Variants in ZNF592 observed in about 807,000 individuals in gnomAD.
ZNF592 encodes the protein zinc finger protein 592.
ZNF592 carries 11 observed loss-of-function variants against 80.3 expected under a neutral mutation model. That is an observed-to-expected ratio of 0.14 (90% CI 0.09 to 0.23). The LOEUF (loss-of-function observed/expected upper bound fraction) is 0.23, where lower values mean the gene tolerates loss of function less well. Ranked by LOEUF, ZNF592 falls within the 10% of genes least tolerant of loss-of-function variation. The pLI is 1.00. For synonymous variants in ZNF592, 646 were observed against 640.3 expected, an observed-to-expected ratio of 1.01 and a Z score of -0.13; for missense variants, 1,420 against 1,633.9, an observed-to-expected ratio of 0.87 and a Z score of 2.26.
Position 84,802,857 on chromosome 15 carries a change from A to C in ZNF592, c.*464A>C, listed in dbSNP as rs368506940. On this transcript the variant is annotated 3_prime_UTR_variant, in exon 11 of 11. Coordinates refer to ENST00000560079, the MANE Select transcript of ZNF592 (RefSeq NM_014630.3). ...AAGGAGGGAAATGAGGGGTGCTGAC[A>C]CAGTCCCTCTGGGAGAGCTCTGCCT... The C allele has an allele frequency of 2.1e-4, 41 of 194,246 alleles. No homozygotes were observed. The East Asian group carries it at 2.9e-3, about 14-fold the overall frequency. The allele number at this position is 194,246 out of a possible 1,614,324, so 12.0% of individuals were successfully genotyped here. A position where few individuals can be genotyped will look rare whatever the true frequency, so the allele number is the denominator to read the frequency against.
At position 84,784,920 on chromosome 15, in the gene ZNF592, G is replaced by A; in HGVS notation, c.2220+25G>A. The A allele has an allele frequency of 6.2e-7, 1 of 1,613,836 alleles. No homozygotes were observed. Among genetic ancestry groups the A allele is most frequent in the East Asian group, 2.2e-5 (1 of 44,870 alleles). Reference sequence around the variant, plus strand: ...GGTAAGCAGACCCTCACTGTTACGGGTATCGGGCCCCTGGCTCACACAGGT... The same window carrying A: ...GGTAAGCAGACCCTCACTGTTACGGATATCGGGCCCCTGGCTCACACAGGT... On this transcript the variant is annotated intron_variant, in intron 4 of 10. Transcript: ENST00000560079. The surrounding 1 kb of genome is among the most constrained non-coding windows in gnomAD (Gnocchi z 5.8).
In ZNF592 at chr15:84,799,573, A is replaced by C. The variant is rs1054553632; in HGVS notation, c.3138-269A>C. Among the ~76,000 whole-genome samples the C allele has an allele frequency of 6.6e-6, 1 of 152,148 alleles. No homozygotes were observed. The highest frequency in any genetic ancestry group is 1.5e-5 in the Non-Finnish European group (1 of 67,996). On this transcript the variant is annotated intron_variant, in intron 9 of 10. Coordinates refer to ENST00000560079, the MANE Select transcript of ZNF592 (RefSeq NM_014630.3). The surrounding 1 kb of genome is among the most constrained non-coding windows in gnomAD (Gnocchi z 4.2). ...GGCCCCAGGCCCTTTCACTGTGACT[A>C]CTAGCCTAGCACTTGGGTCTCTGGG... is the stretch of plus-strand genomic sequence containing the variant.
chr15:84,799,183 A>T lies in ZNF592; in HGVS notation c.3110A>T (p.Asp1037Val). 9 of 1,614,106 alleles carry T rather than the reference A, an allele frequency of 5.6e-6. No individual in the cohort carries two copies. Among genetic ancestry groups the T allele is most frequent in the Non-Finnish European group, 7.6e-6 (9 of 1,180,002 alleles). The change falls in exon 9 of 11, where the codon GAC becomes GTC. Residue 1037 changes from aspartate (D) to valine (V), a missense_variant. Transcript: ENST00000560079. The surrounding 1 kb of genome is among the most constrained non-coding windows in gnomAD (Gnocchi z 4.2). Reference protein sequence around the residue: ...SLRKHIRNNHDTVKKFYTCGY... With the variant: ...SLRKHIRNNHVTVKKFYTCGY... ...CGCAAACACATCCGCAACAACCATG[A>T]CACAGTAAAGAAGTTCTACACCTGC...
In ZNF592 at chr15:84,797,983, T is replaced by C. The variant is rs371300600; in HGVS notation, c.2514T>C (p.Thr838=). The C allele has an allele frequency of 6.8e-6, 11 of 1,614,058 alleles. No homozygotes were observed. In the African/African-American group the frequency reaches 1.2e-4, roughly 18 times the overall value. The change falls in exon 6 of 11, where the codon ACT becomes ACC. Residue 838 remains threonine, a synonymous_variant. Coordinates refer to ENST00000560079, the MANE Select transcript of ZNF592 (RefSeq NM_014630.3). Reference sequence around the variant, plus strand: ...CATTCTGCCCCATGGCCTTCAAGACTGCCAGCAGCACTGCAGACCACAGTG... The same window carrying C: ...CATTCTGCCCCATGGCCTTCAAGACCGCCAGCAGCACTGCAGACCACAGTG... ...KCAFCPMAFK[T]ASSTADHSAT...
intron 1 of ZNF592, 137 bp downstream of exon 1, chr15:84,748,801 C>T (rs981207470): frequency 4.1e-5 from 6 of 147,266 alleles, no homozygotes; most frequent in African/African-American, 1.5e-4. Flanking sequence ...GGACCCTGGC[C>T]GCCGCCAGAG....
intron 1 of ZNF592, among the ~76,000 whole-genome samples, chr15:84,763,806 G>A (rs185731488): frequency 2.4e-4 from 37 of 152,316 alleles, no homozygotes; most frequent in African/African-American, 8.4e-4. Context: ...TTCAGGGAAT[G>A]AGTCCTTTTA....
At position 84,782,834 on chromosome 15, in the gene ZNF592, C is replaced by G; in HGVS notation, c.159C>G (p.Ser53=). ...PPGICMDESV[S]LSHSGSAPDV... ...GCATATGTATGGATGAAAGTGTGTC[C>G]TTGTCTCACTCAGGATCAGCCCCCG... The change falls in exon 4 of 11, where the codon TCC becomes TCG. Residue 53 remains serine, a synonymous_variant. Transcript: ENST00000560079. 3 of 1,614,098 alleles carry G rather than the reference C, an allele frequency of 1.9e-6. No homozygotes were observed. Among genetic ancestry groups the G allele is most frequent in the Non-Finnish European group, 2.5e-6 (3 of 1,180,022 alleles).
chr15:84,764,503 G>C (rs1899442544), intron 1 of ZNF592, among the ~76,000 whole-genome samples: 2 of 152,202 alleles, frequency 1.3e-5, no homozygotes, highest in African/African-American at 4.8e-5. Context: ...GCCTGTAATA[G>C]AGGGAGGGGA....
chr15:84,791,134 C>A (rs1962735812), intron 5 of ZNF592, among the ~76,000 whole-genome samples: 1 of 152,184 alleles, frequency 6.6e-6, no homozygotes, highest in Non-Finnish European at 1.5e-5. Context: ...GGAGATTAGA[C>A]ATATAATACT....
At chr15:84,758,299 T>C (rs554966478) in intron 1 of ZNF592, among the ~76,000 whole-genome samples, 1 of 151,742 alleles carries the variant, frequency 6.6e-6, no homozygotes, top group East Asian at 2.0e-4. Flanking sequence ...AAAAATTTTT[T>C]TTTGAGACCG....
rs746518257 is a variant in ZNF592 at position 84,784,803 on chromosome 15, T to C, written c.2128T>C (p.Ser710Pro). 1.9e-6 allele frequency: 3 copies of C among 1,614,094 alleles called. No homozygotes were observed. The highest frequency in any genetic ancestry group is 1.7e-5 in the Admixed American group (1 of 60,006). The change falls in exon 4 of 11, where the codon TCA (serine) becomes CCA (proline). Residue 710 changes from serine to proline, a missense_variant. Ser to Pro is a moderately conservative substitution (Grantham distance 74). Around this residue, in one of 7 missense-constraint regions of ZNF592, gnomAD observed 524 missense variants for 628.3 expected, o/e 0.83. Transcript: ENST00000560079. The surrounding 1 kb of genome is among the most constrained non-coding windows in gnomAD (Gnocchi z 5.8). ...YPDPVRLIRYSIKCLECHKQM... is the reference protein window; with the variant it reads ...YPDPVRLIRYPIKCLECHKQM... ...AGACCCTGTGAGGCTCATCCGGTAC[T>C]CAATCAAGTGTCTTGAATGTCACAA...
chr15:84,779,369 G>A (rs1596120685), intron 3 of ZNF592, among the ~76,000 whole-genome samples: 1 of 152,226 alleles, frequency 6.6e-6, no homozygotes, highest in Non-Finnish European at 1.5e-5. Flanking sequence ...AAACATGTAG[G>A]TACATGGTAG....
chr15:84,800,767 T>G lies in ZNF592; in HGVS notation c.3273+790T>G, dbSNP rs193202763. ...ATACCCTTTGATCCAGCAATTCTGC[T>G]TCTAGGATTTGTCTATTAGAGAGAT... On this transcript the variant is annotated intron_variant, in intron 10 of 10. Coordinates refer to ENST00000560079, the MANE Select transcript of ZNF592 (RefSeq NM_014630.3). Among the ~76,000 whole-genome samples the G allele has an allele frequency of 2.3e-3, 343 of 152,306 alleles. 2 individuals are homozygous for G. Among genetic ancestry groups the G allele is most frequent in the Non-Finnish European group, 4.1e-3 (278 of 68,028 alleles).
rs1349896263 is a variant in ZNF592, at chr15:84,797,968, C to T, written c.2499C>T (p.Pro833=). The T allele has an allele frequency of 6.2e-7, 1 of 1,614,222 alleles. No individual in the cohort carries two copies. The highest frequency in any genetic ancestry group is 1.3e-5 in the African/African-American group (1 of 75,050). Residue 833 remains proline (P), a synonymous_variant, in exon 6 of 11, where the codon CCC becomes CCT. Transcript: ENST00000560079. The part of the protein sequence containing the change: ...CQVFHKCAFC[P]MAFKTASSTA... ...TTTTCCACAAATGTGCATTCTGCCC[C>T]ATGGCCTTCAAGACTGCCAGCAGCA...
chr15:84,776,629 A>ATG, intron 2 of ZNF592, among the ~76,000 whole-genome samples: 3 of 152,192 alleles, frequency 2.0e-5, no homozygotes, highest in Non-Finnish European at 4.4e-5. Flanking sequence ...GGTGGCACAC[A>ATG]TCTGTAATCC....
intron 2 of ZNF592, among the ~76,000 whole-genome samples, chr15:84,767,876 C>A (rs963418274): frequency 6.7e-6 from 1 of 148,378 alleles, no homozygotes; most frequent in African/African-American, 2.5e-5. Flanking sequence ...TGTTTCTTTT[C>A]TTTTCTTTTC....
chr15:84,785,958 C>T (rs1962575963), intron 4 of ZNF592, among the ~76,000 whole-genome samples: 2 of 152,158 alleles, frequency 1.3e-5, no homozygotes, highest in Non-Finnish European at 2.9e-5. Context: ...AGAAAGAGGC[C>T]TCCAGAAGGT....
rs756436525 is a variant in ZNF592 at position 84,782,931 on chromosome 15, A to G, written c.256A>G (p.Ile86Val). ...GTCATTTGAAGCGGAGAAAGACCAC[A>G]TTACTCCCAGTCTCCTACACAATGG... is the stretch of plus-strand genomic sequence containing the variant. ...QESFEAEKDH[I>V]TPSLLHNGFR... Residue 86 changes from isoleucine (I) to valine (V), a missense_variant, in exon 4 of 11, where the codon ATT becomes GTT. Transcript: ENST00000560079. 7.6e-5 allele frequency: 123 copies of G among 1,613,980 alleles called. No homozygotes were observed. The highest frequency in any genetic ancestry group is 8.9e-5 in the Non-Finnish European group (105 of 1,180,018).
chr15:84,765,008 A>C (rs1899465382), intron 2 of ZNF592, among the ~76,000 whole-genome samples, 193 bp downstream of exon 2: 1 of 152,032 alleles, frequency 6.6e-6, no homozygotes, highest in Admixed American at 6.5e-5. Context: ...AAGCATCACC[A>C]CTGTCCATCT....
Sources: allele counts gnomAD v4.1 joint callset (sites outside exome capture counted in the v4.1 genomes callset), GRCh38; gene constraint gnomAD v4.1.1; regional missense constraint gnomAD v4.1.1; non-coding constraint Gnocchi (gnomAD v3.1); transcripts MANE v1.5; gene names NCBI Gene and HGNC (gene_info 2026-07-23, HGNC 2026-07-21).